Variants in IGF2BP3 observed in about 807,000 individuals in gnomAD.
IGF2BP3 encodes the protein insulin like growth factor 2 mRNA binding protein 3, also known as insulin-like growth factor 2 mRNA-binding protein 3.
IGF2BP3 carries 9 observed loss-of-function variants against 73.8 expected under a neutral mutation model. The ratio of observed to expected loss-of-function variants is 0.12; its 90% confidence interval spans 0.07 to 0.21. The LOEUF (loss-of-function observed/expected upper bound fraction) is 0.21, where lower values mean the gene tolerates loss of function less well. IGF2BP3 is among the 10% of genes least tolerant of loss of function. IGF2BP3 has a pLI of 1.00. For synonymous variants in IGF2BP3, 258 were observed against 256.7 expected, an observed-to-expected ratio of 1.01 and a Z score of -0.05; for missense variants, 542 against 714.0, an observed-to-expected ratio of 0.76 and a Z score of 2.75.
At chr7:23,434,101 A>G (rs1447212370) in intron 2 of IGF2BP3, among the ~76,000 whole-genome samples, 1 of 151,748 alleles carries the variant, frequency 6.6e-6, no homozygotes, top group East Asian at 1.9e-4. Flanking sequence ...TAAAAAAAAA[A>G]AAAAAAAGAA....
intron 3 of IGF2BP3, among the ~76,000 whole-genome samples, chr7:23,412,646 C>T (rs778748097): frequency 6.6e-6 from 1 of 152,062 alleles, no homozygotes; most frequent in Non-Finnish European, 1.5e-5. Flanking sequence ...ACCTTCCTTG[C>T]CCTTTCCTCT....
chr7:23,319,790 T>C (rs1784085472), intron 10 of IGF2BP3, among the ~76,000 whole-genome samples: 2 of 152,204 alleles, frequency 1.3e-5, no homozygotes, highest in Non-Finnish European at 2.9e-5. Context: ...CTTACCACTG[T>C]CATTCAATAG....
intron 5 of IGF2BP3, among the ~76,000 whole-genome samples, chr7:23,359,569 G>A (rs1400771116): frequency 6.6e-6 from 1 of 152,022 alleles, no homozygotes; most frequent in Non-Finnish European, 1.5e-5. Flanking sequence ...AAACATGGCC[G>A]GGTGCAGCGG....
At chr7:23,330,889 C>T (rs10279941) in intron 10 of IGF2BP3, among the ~76,000 whole-genome samples, 1 of 152,048 alleles carries the variant, frequency 6.6e-6, no homozygotes, top group South Asian at 2.1e-4. Context: ...CCTCCGCCTT[C>T]CAAGTTCAAG....
rs1272390663 is a variant in IGF2BP3, at chr7:23,468,561, T to G, written c.176-19A>C. ...ATTTTACCTGCGGACACACAAGAAGTGAGACGGTCGGCCGAGTTCAGCGGC... is the reference window on the plus strand; with the variant it reads ...ATTTTACCTGCGGACACACAAGAAGGGAGACGGTCGGCCGAGTTCAGCGGC... On this transcript the variant is annotated intron_variant, in intron 1 of 14. Coordinates refer to ENST00000258729, the MANE Select transcript of IGF2BP3 (RefSeq NM_006547.3). 8.7e-6 allele frequency: 14 copies of G among 1,613,790 alleles called. No individual in the cohort carries two copies. Among genetic ancestry groups the G allele is most frequent in the Non-Finnish European group, 1.2e-5 (14 of 1,179,702 alleles).
At chr7:23,390,772 G>C (rs1217817407) in intron 3 of IGF2BP3, among the ~76,000 whole-genome samples, 1 of 149,836 alleles carries the variant, frequency 6.7e-6, no homozygotes, top group Non-Finnish European at 1.5e-5. Flanking sequence ...CTTTACAGCT[G>C]TTTTTGTCAC....
At position 23,418,709 on chromosome 7, in the gene IGF2BP3, C is replaced by G. The variant is rs541750620; in HGVS notation, c.285+67G>C. On this transcript the variant is annotated intron_variant, in intron 3 of 14. Transcript: ENST00000258729. ...CAAGAGTTGAGGAAAGGAGAAAAAG[C>G]TTTGAAAAAACTAACAGCAATAGGC... is the stretch of plus-strand genomic sequence containing the variant. The G allele has an allele frequency of 9.8e-5, 102 of 1,043,936 alleles. No individual in the cohort carries two copies. The South Asian group carries it at 1.4e-3, about 14-fold the overall frequency. The allele number at this position is 1,043,936 out of a possible 1,614,324, so 64.7% of individuals were successfully genotyped here.
At chr7:23,403,868 A>C (rs754883745) in intron 3 of IGF2BP3, among the ~76,000 whole-genome samples, 3 of 152,104 alleles carry the variant, frequency 2.0e-5, no homozygotes, top group Non-Finnish European at 4.4e-5. Context: ...CACGACTGTA[A>C]TCCCAACACT....
chr7:23,380,155 C>T (rs1785860782), intron 3 of IGF2BP3, among the ~76,000 whole-genome samples: 3 of 133,652 alleles, frequency 2.2e-5, no homozygotes, highest in Non-Finnish European at 4.6e-5. Context: ...CCCACTATGC[C>T]TCTTTTTTTT....
chr7:23,446,821 A>G (rs1439385738), intron 2 of IGF2BP3, among the ~76,000 whole-genome samples: 1 of 152,138 alleles, frequency 6.6e-6, no homozygotes, highest in Non-Finnish European at 1.5e-5. Context: ...AGTTACCACC[A>G]CTACTGAAAC....
At chr7:23,336,584 C>T (rs1784579189) in intron 10 of IGF2BP3, among the ~76,000 whole-genome samples, 1 of 151,968 alleles carries the variant, frequency 6.6e-6, no homozygotes, top group South Asian at 2.1e-4. Context: ...CGGCTCATTG[C>T]AACCTCCACC....
chr7:23,342,874 A>G (rs1784745874), intron 9 of IGF2BP3, among the ~76,000 whole-genome samples: 1 of 152,254 alleles, frequency 6.6e-6, no homozygotes, highest in Admixed American at 6.5e-5. Context: ...TTTGGAGCCA[A>G]GCAGTGAGAA....
chr7:23,388,772 T>C (rs1786172731), intron 3 of IGF2BP3, among the ~76,000 whole-genome samples: 1 of 152,154 alleles, frequency 6.6e-6, no homozygotes, highest in African/African-American at 2.4e-5. Flanking sequence ...TAAAATAATC[T>C]TCATACTATC....
At chr7:23,371,209 T>G (rs1018242260) in intron 3 of IGF2BP3, among the ~76,000 whole-genome samples, 1 of 151,282 alleles carries the variant, frequency 6.6e-6, no homozygotes, top group Non-Finnish European at 1.5e-5. Flanking sequence ...ATGTCAGTCA[T>G]TGGGGAGGGG....
intron 2 of IGF2BP3, among the ~76,000 whole-genome samples, chr7:23,424,173 T>C (rs573355395): frequency 6.7e-6 from 1 of 149,696 alleles, no homozygotes; most frequent in South Asian, 2.1e-4. Flanking sequence ...AGAGGGGAAA[T>C]ACGGTAAATT....
chr7:23,434,801 T>G (rs1366800394), intron 2 of IGF2BP3, among the ~76,000 whole-genome samples: 1 of 152,180 alleles, frequency 6.6e-6, no homozygotes, highest in Non-Finnish European at 1.5e-5. Context: ...AGAACAGGTA[T>G]GTTTACCACA....
intron 3 of IGF2BP3, among the ~76,000 whole-genome samples, chr7:23,378,613 C>T (rs1468522201): frequency 8.9e-4 from 101 of 113,984 alleles, no homozygotes; most frequent in African/African-American, 3.2e-3. Context: ...CTCGCTCTGT[C>T]GCCAGGCTGG....
At chr7:23,380,144 GC>G (rs1179174811) in intron 3 of IGF2BP3, among the ~76,000 whole-genome samples, 5 of 148,790 alleles carry the variant, frequency 3.4e-5, no homozygotes, top group Non-Finnish European at 5.9e-5. Context: ...CGTGGAGACT[GC>G]CCACTATGCC....
At chr7:23,397,832 G>GT in intron 3 of IGF2BP3, among the ~76,000 whole-genome samples, 1 of 152,310 alleles carries the variant, frequency 6.6e-6, no homozygotes, top group East Asian at 1.9e-4. Context: ...AAAACTGCGA[G>GT]TGTTACCTTA....
Sources: allele counts gnomAD v4.1 joint callset (sites outside exome capture counted in the v4.1 genomes callset), GRCh38; gene constraint gnomAD v4.1.1; transcripts MANE v1.5; gene names NCBI Gene and HGNC (gene_info 2026-07-23, HGNC 2026-07-21).